Variants in RNF130 observed in about 807,000 individuals in gnomAD.
RNF130 encodes the protein E3 ubiquitin-protein ligase RNF130.
A neutral mutation model predicts 44.6 loss-of-function variants in RNF130; 21 were observed. The ratio of observed to expected loss-of-function variants is 0.47; its 90% CI spans 0.33 to 0.68. RNF130 has a LOEUF of 0.68. Among genes scored for constraint, RNF130 ranks in the 30% least tolerant of loss-of-function variants. RNF130 has a pLI of 0.02. For missense variants in RNF130, 479 were observed against 560.6 expected, an observed-to-expected ratio of 0.85 and a Z score of 1.47; for synonymous variants, 214 against 210.4, an observed-to-expected ratio of 1.02 and a Z score of -0.15.
intron 7 of RNF130, among the ~76,000 whole-genome samples, chr5:179,936,696 G>A (rs1166498781): frequency 1.3e-5 from 2 of 152,198 alleles, no homozygotes; most frequent in Admixed American, 1.3e-4. Flanking sequence ...AAAGCTGGAA[G>A]ACTCAAACTT....
intron 3 of RNF130, among the ~76,000 whole-genome samples, chr5:180,005,018 AACC>A (rs1763430818): frequency 6.6e-6 from 1 of 151,972 alleles, no homozygotes; most frequent in African/African-American, 2.4e-5. Flanking sequence ...CTCTCTACAT[AACC>A]TTATTTTATT....
intron 7 of RNF130, among the ~76,000 whole-genome samples, chr5:179,949,105 A>T (rs7381056): frequency 6.6e-6 from 1 of 151,348 alleles, no homozygotes; most frequent in Non-Finnish European, 1.5e-5. Flanking sequence ...AGCTGGGATT[A>T]CAGGCATGTG....
At chr5:179,946,813 C>T (rs1762049881) in intron 7 of RNF130, among the ~76,000 whole-genome samples, 1 of 152,170 alleles carries the variant, frequency 6.6e-6, no homozygotes, top group South Asian at 2.1e-4. Context: ...CTCGGCCTCC[C>T]AAAGTGCTGG....
intron 3 of RNF130, among the ~76,000 whole-genome samples, chr5:179,983,397 T>C (rs908909048): frequency 3.3e-5 from 5 of 151,298 alleles, no homozygotes; most frequent in Non-Finnish European, 5.9e-5. Context: ...GTTGAAAAGG[T>C]TGTCCATTCT....
In RNF130 at chr5:179,955,277, C is replaced by CCAG. The variant is rs1582138334; in HGVS notation, c.*374_*376dup. The CCAG allele has an allele frequency of 7.7e-5, 14 of 182,770 alleles. No homozygotes were observed. The East Asian group carries it at 1.9e-3, about 24-fold the overall frequency. The allele number at this position is 182,770 out of a possible 1,614,324, so 11.3% of individuals were successfully genotyped here. On this transcript the variant is annotated 3_prime_UTR_variant, in exon 9 of 9. Transcript: ENST00000521389. ...CAACTGACCATCCTAAGCGGCATCA[C>CCAG]CAGCAGGATGTCCCCGCTCTTGCGC...
chr5:179,911,761 A>ATACT (rs1297383296), exon 8 of RNF130: 3 of 152,224 alleles, frequency 2.0e-5, no homozygotes, highest in African/African-American at 7.2e-5. Flanking sequence ...CTACTTGATT[A>ATACT]TACTTACACC....
intron 7 of RNF130, among the ~76,000 whole-genome samples, chr5:179,943,792 GAT>G (rs1442050027): frequency 2.6e-5 from 4 of 152,126 alleles, no homozygotes; most frequent in African/African-American, 9.7e-5. Context: ...ATTTAACAGT[GAT>G]TAAAATTCCT....
exon 8 of RNF130, chr5:179,911,814 A>G (rs549410476): frequency 6.6e-6 from 1 of 152,320 alleles, no homozygotes; most frequent in East Asian, 1.9e-4. Context: ...AACATTTCAA[A>G]GGGTTGATGA....
At chr5:180,008,538 G>GTATT (rs1763513638) in intron 3 of RNF130, among the ~76,000 whole-genome samples, 1 of 152,256 alleles carries the variant, frequency 6.6e-6, no homozygotes, top group Admixed American at 6.5e-5. Context: ...AAATCATAGA[G>GTATT]TATTTCTCTG....
rs547764159 is a variant in RNF130 at position 179,938,049 on chromosome 5, C to T, written c.1151-17623G>A. On this transcript the variant is annotated intron_variant, in intron 7 of 7. Transcript: ENST00000522208. ...ATCACAGCTCCACAACCCAGACTCC[C>T]GGGCTCAAGTGATCCTCCCACCTCA... 5.3e-5 allele frequency among the ~76,000 whole-genome samples: 8 copies of T among 151,994 alleles called. 1 individual carries two copies. The highest frequency in any genetic ancestry group is 2.1e-4 in the South Asian group (1 of 4,810).
Position 179,978,190 on chromosome 5 carries a change from G to T in RNF130, c.848+13C>A. 1 of 1,596,860 alleles carries T rather than the reference G, an allele frequency of 6.3e-7. No individual in the cohort carries two copies. Among genetic ancestry groups the T allele is most frequent in the Non-Finnish European group, 8.6e-7 (1 of 1,164,204 alleles). On this transcript the variant is annotated intron_variant, in intron 5 of 8. Coordinates refer to ENST00000521389, the MANE Select transcript of RNF130 (RefSeq NM_018434.6). Reference sequence around the variant, plus strand: ...TAATATCATTCTTTCTCAAACAAATGAAGTTGACATACTTGCAGGGGAGAA... The same window carrying T: ...TAATATCATTCTTTCTCAAACAAATTAAGTTGACATACTTGCAGGGGAGAA...
chr5:180,061,068 CAAAAAAAAAAAAAA>C (rs57744473), intron 1 of RNF130, among the ~76,000 whole-genome samples: 2 of 53,600 alleles, frequency 3.7e-5, no homozygotes, highest in African/African-American at 1.7e-4. Flanking sequence ...GACTCCGTCT[CAAAAAAAAAAAAAA>C]AAAAAAAAAA....
chr5:179,980,235 G>A (rs1166970171), intron 3 of RNF130, 35 bp from the exon 4 acceptor site: 2 of 1,571,868 alleles, frequency 1.3e-6, no homozygotes, highest in African/African-American at 1.4e-5. Flanking sequence ...GATACTAAGT[G>A]TAAGATCTCT....
At chr5:179,935,927 T>C (rs1373023793) in intron 7 of RNF130, among the ~76,000 whole-genome samples, 1 of 152,164 alleles carries the variant, frequency 6.6e-6, no homozygotes, top group Admixed American at 6.5e-5. Flanking sequence ...TTTTGTGCAG[T>C]TGATGTCAAG....
chr5:180,002,992 T>C (rs1420134451), intron 3 of RNF130, among the ~76,000 whole-genome samples: 1 of 152,048 alleles, frequency 6.6e-6, no homozygotes, highest in African/African-American at 2.4e-5. Flanking sequence ...TCTGTTCAGA[T>C]CAGAATTCTA....
chr5:179,933,118 A>G (rs1374181631), intron 7 of RNF130, among the ~76,000 whole-genome samples: 1 of 152,182 alleles, frequency 6.6e-6, no homozygotes, highest in Non-Finnish European at 1.5e-5. Flanking sequence ...AGATCCACAG[A>G]AGGACTTGGG....
chr5:179,975,840 T>C (rs1762705481), intron 5 of RNF130, among the ~76,000 whole-genome samples: 1 of 152,150 alleles, frequency 6.6e-6, no homozygotes, highest in African/African-American at 2.4e-5. Context: ...ACTTCTATGG[T>C]GGCAGGTGCA....
At chr5:180,000,445 G>A (rs960267657) in intron 3 of RNF130, among the ~76,000 whole-genome samples, 3 of 152,202 alleles carry the variant, frequency 2.0e-5, no homozygotes, top group Non-Finnish European at 2.9e-5. Context: ...TATCTCCGTA[G>A]ACTTGGGAAG....
At chr5:180,055,461 T>C (rs1158174255) in intron 1 of RNF130, among the ~76,000 whole-genome samples, 2 of 150,576 alleles carry the variant, frequency 1.3e-5, no homozygotes, top group African/African-American at 2.4e-5. Flanking sequence ...TGCGTGTGTG[T>C]GTGTGTGTGC....
Sources: gnomAD v4.1 joint callset for allele counts (sites outside exome capture counted in the v4.1 genomes callset) on GRCh38, gnomAD v4.1.1 for gene constraint, MANE v1.5 for transcripts, NCBI Gene and HGNC (gene_info 2026-07-23, HGNC 2026-07-21) for gene names.